The following ABHD12 variants were observed in gnomAD, a reference collection of about 807,000 sequenced individuals.
ABHD12 encodes abhydrolase domain containing 12, lysophospholipase.
ABHD12 carries 43 observed loss-of-function variants against 58.3 expected under a neutral mutation model. The observed-to-expected ratio is 0.74, with a 90% CI of 0.58 to 0.95. The LOEUF is 0.95. Among genes scored for constraint, ABHD12 ranks in the 40% least tolerant of loss-of-function variants. ABHD12 has a pLI of 0.00. For missense variants in ABHD12, 539 were observed against 537.2 expected (o/e 1.00, Z -0.03); for synonymous variants, 219 against 211.2 (o/e 1.04, Z -0.32).
intron 1 of ABHD12, among the ~76,000 whole-genome samples, chr20:25,370,666 G>T (rs765930121): frequency 6.6e-6 from 1 of 152,072 alleles, no homozygotes; most frequent in South Asian, 2.1e-4. Context: ...TGCGACCCTG[G>T]GCAAGCTACT....
chr20:25,327,039 C>T (rs936792241), intron 2 of ABHD12, among the ~76,000 whole-genome samples: 1 of 152,228 alleles, frequency 6.6e-6, no homozygotes, highest in African/African-American at 2.4e-5. Flanking sequence ...CAGAATGTTG[C>T]AAAGTGGTTC....
At chr20:25,356,690 T>C (rs1203005708) in intron 1 of ABHD12, among the ~76,000 whole-genome samples, 2 of 152,192 alleles carry the variant, frequency 1.3e-5, no homozygotes, top group African/African-American at 4.8e-5. Context: ...CCAGGAGCAC[T>C]GTGGCAGAGT....
intron 1 of ABHD12, among the ~76,000 whole-genome samples, chr20:25,341,724 A>G (rs1245626603): frequency 6.6e-6 from 1 of 152,170 alleles, no homozygotes; most frequent in African/African-American, 2.4e-5. Context: ...GCAGGGTCTG[A>G]CACAGCTAAC....
intron 1 of ABHD12, among the ~76,000 whole-genome samples, chr20:25,375,428 G>C (rs2089950486): frequency 6.6e-6 from 1 of 152,212 alleles, no homozygotes; most frequent in South Asian, 2.1e-4. Flanking sequence ...CAGCCACAGA[G>C]AGTTTCCTCA....
intron 3 of ABHD12, 63 bp from the exon 4 acceptor site, chr20:25,320,381 T>G: frequency 1.9e-6 from 3 of 1,604,358 alleles, no homozygotes; most frequent in Non-Finnish European, 2.5e-6. Context: ...TCCTGGCGAC[T>G]GCACGTGGTG....
chr20:25,352,615 T>A (rs1435540292), intron 1 of ABHD12, among the ~76,000 whole-genome samples: 1 of 152,148 alleles, frequency 6.6e-6, no homozygotes, highest in Non-Finnish European at 1.5e-5. Flanking sequence ...ATTAAAGTGA[T>A]AGGCTAAATG....
At chr20:25,366,261 T>C (rs1292680418) in intron 1 of ABHD12, among the ~76,000 whole-genome samples, 1 of 152,044 alleles carries the variant, frequency 6.6e-6, no homozygotes, top group Non-Finnish European at 1.5e-5. Context: ...AAGTCAAATT[T>C]ATTCTAAGTC....
At chr20:25,332,399 A>C (rs1256617169) in intron 2 of ABHD12, among the ~76,000 whole-genome samples, 2 of 152,112 alleles carry the variant, frequency 1.3e-5, no homozygotes, top group Admixed American at 6.6e-5. Context: ...CAGATCAACG[A>C]GACAGAAAGT....
chr20:25,364,222 A>G (rs931754313), intron 1 of ABHD12, among the ~76,000 whole-genome samples: 4 of 152,352 alleles, frequency 2.6e-5, no homozygotes, highest in African/African-American at 7.2e-5. Flanking sequence ...ATGATAAGAC[A>G]ATATTCTAGA....
At chr20:25,343,726 C>A (rs1358652493) in intron 1 of ABHD12, among the ~76,000 whole-genome samples, 1 of 152,092 alleles carries the variant, frequency 6.6e-6, no homozygotes, top group African/African-American at 2.4e-5. Flanking sequence ...ACCTGGGAGG[C>A]GGAGGTTGCA....
At chr20:25,373,690 T>C (rs2089926532) in intron 1 of ABHD12, among the ~76,000 whole-genome samples, 2 of 152,124 alleles carry the variant, frequency 1.3e-5, no homozygotes, top group South Asian at 2.1e-4. Flanking sequence ...GTTTTTTTTT[T>C]CTTTATCACT....
intron 6 of ABHD12, 59 bp from the exon 7 acceptor site, chr20:25,309,634 A>C: frequency 6.2e-7 from 1 of 1,608,634 alleles, no homozygotes. Context: ...ACCTGGACAA[A>C]CACACCTCCC....
intron 1 of ABHD12, among the ~76,000 whole-genome samples, chr20:25,356,168 C>G (rs1223603742): frequency 6.6e-6 from 1 of 152,248 alleles, no homozygotes; most frequent in Non-Finnish European, 1.5e-5. Flanking sequence ...CAAACAGCAT[C>G]TGTAAAACTG....
rs1179670878 is a variant in ABHD12 at position 25,390,776 on chromosome 20, G to A, written c.-73C>T. On this transcript the variant is annotated 5_prime_UTR_variant, in exon 1 of 13. Coordinates refer to ENST00000339157, the MANE Select transcript of ABHD12 (RefSeq NM_001042472.3). ...CGCAGTGCCGCCGCTCACAGCCGCC[G>A]CCACCCAGAGCCCGGAGCCCGGAAC... 15 of 1,026,516 alleles carry A rather than the reference G, an allele frequency of 1.5e-5. No homozygotes were observed. The highest frequency in any genetic ancestry group is 1.6e-5 in the Non-Finnish European group (13 of 811,540). The allele number at this position is 1,026,516 out of a possible 1,614,324, so 63.6% of individuals were successfully genotyped here.
downstream of ABHD12, chr20:25,298,014 A>T (rs1393407258): frequency 7.1e-6 from 1 of 140,460 alleles, no homozygotes; most frequent in Non-Finnish European, 1.5e-5. Context: ...GTTGGCTGAC[A>T]TGGGGTCTGT....
At chr20:25,383,517 G>A (rs563731447) in intron 1 of ABHD12, among the ~76,000 whole-genome samples, 1 of 152,180 alleles carries the variant, frequency 6.6e-6, no homozygotes, top group Non-Finnish European at 1.5e-5. Context: ...GCTAATGAAA[G>A]GCCCACAAAA....
At chr20:25,331,637 TG>T in intron 2 of ABHD12, among the ~76,000 whole-genome samples, 1 of 151,538 alleles carries the variant, frequency 6.6e-6, no homozygotes, top group East Asian at 1.9e-4. Context: ...CAGAAGAGAG[TG>T]GGGGCCAATA....
chr20:25,346,579 G>A (rs1056068033), intron 1 of ABHD12, among the ~76,000 whole-genome samples: 2 of 152,172 alleles, frequency 1.3e-5, no homozygotes, highest in South Asian at 2.1e-4. Context: ...CGGGGCAGGA[G>A]TGTATGGGAA....
intron 2 of ABHD12, among the ~76,000 whole-genome samples, chr20:25,325,591 T>C (rs747300082): frequency 2.0e-5 from 3 of 151,762 alleles, no homozygotes; most frequent in Non-Finnish European, 4.4e-5. Context: ...AGGCAGAGAT[T>C]TGAGGGAAGC....
Sources: gnomAD v4.1 joint callset for allele counts (sites outside exome capture counted in the v4.1 genomes callset) on GRCh38, gnomAD v4.1.1 for gene constraint, MANE v1.5 for transcripts, NCBI Gene and HGNC (gene_info 2026-07-23, HGNC 2026-07-21) for gene names.